Variants in PRKAG2 observed in about 807,000 individuals in gnomAD.
The protein encoded by PRKAG2 is 5'-AMP-activated protein kinase subunit gamma-2.
In PRKAG2, 26 loss-of-function variants were observed where a neutral mutation model predicts 69.6. The observed-to-expected ratio is 0.37, with a 90% CI of 0.27 to 0.52. The LOEUF (loss-of-function observed/expected upper bound fraction) is 0.52, where lower values mean the gene tolerates loss of function less well. PRKAG2 is among the 20% of genes least tolerant of loss of function. PRKAG2 has a pLI of 0.90. For missense variants in PRKAG2, 557 were observed against 740.0 expected, an observed-to-expected ratio of 0.75 and a Z score of 2.87; for synonymous variants, 293 against 285.0, an observed-to-expected ratio of 1.03 and a Z score of -0.28.
chr7:151,719,788 G>A lies in PRKAG2; in HGVS notation c.467-44151C>T, dbSNP rs1293099388. On this transcript the variant is annotated intron_variant, in intron 3 of 15. Coordinates refer to ENST00000287878, the MANE Select transcript of PRKAG2 (RefSeq NM_016203.4). This position sits in a 1 kb window ranked among gnomAD's most constrained non-coding sequence, Gnocchi z 5.2. ...TGTTCTCAACAAGAAACTGGAGCCT[G>A]CCCCTCCTCCCCCTGAGTTTGCCAG... is the stretch of plus-strand genomic sequence containing the variant. Among the ~76,000 whole-genome samples, 1 of 131,216 alleles carries A rather than the reference G, an allele frequency of 7.6e-6. No individual in the cohort carries two copies. Among genetic ancestry groups the A allele is most frequent in the Non-Finnish European group, 1.7e-5 (1 of 59,378 alleles). The allele number at this position is 131,216 out of a possible 152,430, so 86.1% of individuals were successfully genotyped here. A position where few individuals can be genotyped will look rare whatever the true frequency, so the allele number is the denominator to read the frequency against.
chr7:151,647,473 A>T (rs1213855514), intron 4 of PRKAG2, among the ~76,000 whole-genome samples: 2 of 151,990 alleles, frequency 1.3e-5, no homozygotes, highest in East Asian at 3.8e-4. Flanking sequence ...TAATTTAAAT[A>T]ATAAAAAGCT....
intron 5 of PRKAG2, among the ~76,000 whole-genome samples, chr7:151,629,015 C>T (rs1823725772): frequency 6.6e-6 from 1 of 152,136 alleles, no homozygotes; most frequent in African/African-American, 2.4e-5. Context: ...CCCTAAGGCA[C>T]AGGCACAGTG....
rs138143531 is a variant in PRKAG2, at chr7:151,775,924, T to C, written c.466+5228A>G. The stretch of plus-strand genomic sequence containing the variant: ...GGAGCAATCTACAGTCTGGGAACCC[T>C]GATCCAGGAATAGATTTCAAGTACG... On this transcript the variant is annotated intron_variant, in intron 3 of 15. Transcript: ENST00000287878. Among the ~76,000 whole-genome samples the C allele has an allele frequency of 9.4e-3, 1,434 of 152,334 alleles. 19 individuals carry two copies. The highest frequency in any genetic ancestry group is 0.033 in the African/African-American group (1,355 of 41,572).
chr7:151,692,478 T>G (rs1835833784), intron 3 of PRKAG2, among the ~76,000 whole-genome samples: 1 of 152,040 alleles, frequency 6.6e-6, no homozygotes, highest in Non-Finnish European at 1.5e-5. Context: ...GATGCGGAAA[T>G]TTCTTTGGGT....
Position 151,609,290 on chromosome 7 carries a change from A to G in PRKAG2, c.755-13836T>C, listed in dbSNP as rs1818218411. 2.0e-5 allele frequency among the ~76,000 whole-genome samples: 3 copies of G among 147,592 alleles called. No homozygotes were observed. In the South Asian group the frequency reaches 6.5e-4, roughly 32 times the overall value. On this transcript the variant is annotated intron_variant, in intron 5 of 15. Transcript: ENST00000287878. ...CTGAAACCCATTTACACAGAATTTT[A>G]ATTTAGAAAGAATTTATATAAAAAA...
intron 4 of PRKAG2, among the ~76,000 whole-genome samples, chr7:151,650,572 T>A (rs1339763267): frequency 6.6e-6 from 1 of 152,200 alleles, no homozygotes; most frequent in Non-Finnish European, 1.5e-5. Context: ...AGAGGACTCC[T>A]GAGGGTCCAT....
intron 3 of PRKAG2, among the ~76,000 whole-genome samples, chr7:151,754,354 G>A (rs1009898409): frequency 2.0e-5 from 3 of 152,216 alleles, no homozygotes; most frequent in East Asian, 1.9e-4. Flanking sequence ...CTTGGATGCC[G>A]CACATACTTT....
intron 6 of PRKAG2, among the ~76,000 whole-genome samples, chr7:151,579,270 T>C (rs1234847464): frequency 1.3e-5 from 2 of 152,178 alleles, no homozygotes; most frequent in Non-Finnish European, 2.9e-5. Flanking sequence ...GATCCTCCTG[T>C]CTTGGCCTCC....
chr7:151,693,319 G>A (rs867948422), intron 3 of PRKAG2, among the ~76,000 whole-genome samples: 9 of 152,110 alleles, frequency 5.9e-5, no homozygotes, highest in Non-Finnish European at 7.4e-5. Context: ...TCCGAGGGGC[G>A]CACGAGGGGT....
chr7:151,692,390 G>C (rs1199485114), intron 3 of PRKAG2, among the ~76,000 whole-genome samples: 1 of 152,024 alleles, frequency 6.6e-6, no homozygotes, highest in African/African-American at 2.4e-5. Flanking sequence ...CAACATTCTG[G>C]AAAAAGCAAA....
chr7:151,632,332 C>T lies in PRKAG2; in HGVS notation c.685-194G>A, dbSNP rs1824810672. 1 of 700,852 alleles carries T rather than the reference C, an allele frequency of 1.4e-6. No homozygotes were observed. The highest frequency in any genetic ancestry group is 6.2e-5 in the South Asian group (1 of 16,180). 43.4% of individuals were successfully genotyped at this position (700,852 alleles called of 1,614,324 possible). A position where few individuals can be genotyped will look rare whatever the true frequency, so the allele number is the denominator to read the frequency against. On this transcript the variant is annotated intron_variant, in intron 4 of 15. Transcript: ENST00000287878. The surrounding 1 kb of genome is among the most constrained non-coding windows in gnomAD (Gnocchi z 4.2). ...CCCCACCCGCCCGAGGCCGCCGCCG[C>T]CGCCGCAGGTGGCGCGGCCGCGGCC...
At chr7:151,600,112 T>C (rs1271630171) in intron 5 of PRKAG2, among the ~76,000 whole-genome samples, 1 of 152,162 alleles carries the variant, frequency 6.6e-6, no homozygotes, top group Non-Finnish European at 1.5e-5. Flanking sequence ...ATTCCAAAGC[T>C]GTGTTCTCAG....
intron 4 of PRKAG2, among the ~76,000 whole-genome samples, chr7:151,645,431 G>T (rs1430200534): frequency 6.6e-6 from 1 of 152,170 alleles, no homozygotes; most frequent in Non-Finnish European, 1.5e-5. Flanking sequence ...CCAACATCTT[G>T]ATTGCAAGCT....
In PRKAG2 at chr7:151,758,967, C is replaced by T. The variant is rs553148534; in HGVS notation, c.466+22185G>A. ...CTGCAGGGACCCCTCACTGCTCACCCCAGCCCTGTCTCTACCATCTCTTTA... is the reference window on the plus strand; with the variant it reads ...CTGCAGGGACCCCTCACTGCTCACCTCAGCCCTGTCTCTACCATCTCTTTA... On this transcript the variant is annotated intron_variant, in intron 3 of 15. Coordinates refer to ENST00000287878, the MANE Select transcript of PRKAG2 (RefSeq NM_016203.4). 4.6e-5 allele frequency among the ~76,000 whole-genome samples: 7 copies of T among 152,290 alleles called. No individual in the cohort carries two copies. The East Asian group carries it at 1.2e-3, about 25-fold the overall frequency.
At chr7:151,852,695 G>A (rs959147016) in intron 1 of PRKAG2, among the ~76,000 whole-genome samples, 1 of 151,796 alleles carries the variant, frequency 6.6e-6, no homozygotes, top group Non-Finnish European at 1.5e-5. Context: ...CACGCCTGAG[G>A]GTCCTATAGG....
intron 3 of PRKAG2, among the ~76,000 whole-genome samples, chr7:151,745,696 CAG>C (rs758669151): frequency 6.6e-6 from 1 of 152,190 alleles, no homozygotes; most frequent in Non-Finnish European, 1.5e-5. Context: ...TTTAAAAACA[CAG>C]AGAAGTACTA....
chr7:151,848,830 C>T (rs569541098), intron 1 of PRKAG2, among the ~76,000 whole-genome samples: 1 of 152,240 alleles, frequency 6.6e-6, no homozygotes, highest in Admixed American at 6.5e-5. Flanking sequence ...CAGCCTACTG[C>T]ATGTCTTTTG....
intron 1 of PRKAG2, among the ~76,000 whole-genome samples, chr7:151,796,295 C>T (rs961274440): frequency 6.6e-6 from 1 of 152,158 alleles, no homozygotes; most frequent in Non-Finnish European, 1.5e-5. Flanking sequence ...CTATGGAACC[C>T]TCACTTTGCC....
chr7:151,830,477 G>C (rs2078999100), intron 1 of PRKAG2, among the ~76,000 whole-genome samples: 2 of 151,976 alleles, frequency 1.3e-5, no homozygotes, highest in Admixed American at 1.3e-4. Flanking sequence ...GCATCCGTCA[G>C]CATCTCACTC....
Sources: gnomAD v4.1 joint callset for allele counts (sites outside exome capture counted in the v4.1 genomes callset) on GRCh38, gnomAD v4.1.1 for gene constraint, Gnocchi (gnomAD v3.1) non-coding constraint, MANE v1.5 for transcripts, NCBI Gene and HGNC (gene_info 2026-07-23, HGNC 2026-07-21) for gene names.